TENM3: variants seen among roughly 807,000 people sequenced by gnomAD.
TENM3 encodes the protein teneurin transmembrane protein 3.
A neutral mutation model predicts 255.1 loss-of-function variants in TENM3; 63 were observed. The ratio of observed to expected loss-of-function variants is 0.25; its 90% CI spans 0.20 to 0.30. TENM3 has a LOEUF of 0.30. Ranked by LOEUF, TENM3 falls within the 10% of genes least tolerant of loss-of-function variation. The pLI is 1.00. For missense variants in TENM3, 2,929 were observed against 3,461.1 expected (o/e 0.85, Z 3.86); for synonymous variants, 1,306 against 1,322.3 (o/e 0.99, Z 0.27).
chr4:182,091,256 T>C, the TENM3 span, among the ~76,000 whole-genome samples: 1 of 152,168 alleles, frequency 6.6e-6, no homozygotes, highest in African/African-American at 2.4e-5. Flanking sequence ...AACTAGAGCT[T>C]GCAGAACAAG....
the TENM3 span, among the ~76,000 whole-genome samples, chr4:181,553,978 TTTAC>T: frequency 6.6e-6 from 1 of 152,162 alleles, no homozygotes; most frequent in Non-Finnish European, 1.5e-5. Context: ...CCTCCTCCCC[TTTAC>T]TTGCCTTCAG....
chr4:181,944,865 T>A, the TENM3 span, among the ~76,000 whole-genome samples: 8 of 151,950 alleles, frequency 5.3e-5, no homozygotes, highest in East Asian at 3.9e-4. Flanking sequence ...AACGCCAGCC[T>A]CCCTCCTTCC....
the TENM3 span, among the ~76,000 whole-genome samples, chr4:182,001,960 A>G: frequency 6.6e-6 from 1 of 152,152 alleles, no homozygotes; most frequent in East Asian, 1.9e-4. Flanking sequence ...TATGAAGTTT[A>G]TAATACTATA....
intron 1 of TENM3, among the ~76,000 whole-genome samples, chr4:182,274,184 G>A (rs1389360968): frequency 1.3e-5 from 2 of 152,224 alleles, no homozygotes; most frequent in African/African-American, 4.8e-5. Flanking sequence ...AGGGGAAGCT[G>A]GGCTAAGAAA....
intron 1 of TENM3, among the ~76,000 whole-genome samples, chr4:182,313,083 T>A (rs895390951): frequency 1.2e-4 from 19 of 152,188 alleles, no homozygotes; most frequent in African/African-American, 4.6e-4. Context: ...CTTTACTGAG[T>A]AAATTAACCT....
the TENM3 span, among the ~76,000 whole-genome samples, chr4:181,849,804 T>C: frequency 6.6e-6 from 1 of 152,146 alleles, no homozygotes; most frequent in East Asian, 1.9e-4. Context: ...TCTATAGTTC[T>C]GCCATGGATT....
chr4:182,741,929 A>G (rs1012709854), intron 18 of TENM3, among the ~76,000 whole-genome samples: 9 of 152,204 alleles, frequency 5.9e-5, no homozygotes, highest in African/African-American at 2.2e-4. Flanking sequence ...TGGGGGGAAA[A>G]AGCACTTTCT....
At chr4:181,878,492 A>G in the TENM3 span, among the ~76,000 whole-genome samples, 1 of 151,982 alleles carries the variant, frequency 6.6e-6, no homozygotes, top group Non-Finnish European at 1.5e-5. Context: ...CTACTCTGGG[A>G]TGCTGTTTTG....
chr4:182,042,277 C>T, the TENM3 span, among the ~76,000 whole-genome samples: 4 of 152,242 alleles, frequency 2.6e-5, no homozygotes, highest in South Asian at 8.3e-4. Flanking sequence ...CAAATGGTAA[C>T]CATGGTCTAG....
chr4:182,747,726 T>TAA (rs1762108136), intron 19 of TENM3, among the ~76,000 whole-genome samples: 2 of 152,212 alleles, frequency 1.3e-5, no homozygotes, highest in South Asian at 4.1e-4. Context: ...GTGTCAATCA[T>TAA]AAGTCTGTGA....
chr4:182,529,244 C>T lies in TENM3; in HGVS notation c.512-71680C>T, dbSNP rs1259287370. 2.0e-5 allele frequency among the ~76,000 whole-genome samples: 3 copies of T among 152,156 alleles called. No individual in the cohort carries two copies. In the East Asian group the frequency reaches 5.8e-4, roughly 29 times the overall value. On this transcript the variant is annotated intron_variant, in intron 3 of 27. Coordinates refer to ENST00000511685, the MANE Select transcript of TENM3 (RefSeq NM_001080477.4). ...GGGAGGGCGGAGAACATTAGGAACGCTGGTGTTCTAAAGAGGAACCCTAAG... is the reference window on the plus strand; with the variant it reads ...GGGAGGGCGGAGAACATTAGGAACGTTGGTGTTCTAAAGAGGAACCCTAAG...
At chr4:182,090,012 A>G in the TENM3 span, among the ~76,000 whole-genome samples, 1,299 of 152,342 alleles carry the variant, frequency 8.5e-3, 7 homozygotes, top group South Asian at 0.023. Context: ...AACAAAAAAT[A>G]AAATAATTAT....
chr4:182,218,160 A>T (rs922146461), intron 1 of TENM3, among the ~76,000 whole-genome samples: 1 of 152,172 alleles, frequency 6.6e-6, no homozygotes, highest in African/African-American at 2.4e-5. Flanking sequence ...TTGAGTCCTC[A>T]GTCAAAATAT....
the TENM3 span, among the ~76,000 whole-genome samples, chr4:181,606,641 G>C: frequency 3.9e-5 from 6 of 151,996 alleles, no homozygotes; most frequent in Admixed American, 1.3e-4. Context: ...CATTTCCTCT[G>C]CTCTTGTTGT....
chr4:182,748,851 G>A (rs1050557904), intron 19 of TENM3, among the ~76,000 whole-genome samples: 2 of 152,176 alleles, frequency 1.3e-5, no homozygotes, highest in African/African-American at 4.8e-5. Flanking sequence ...GTGTCCAAAA[G>A]TACAGCTTTC....
chr4:181,883,357 CA>C, the TENM3 span, among the ~76,000 whole-genome samples: 1 of 152,114 alleles, frequency 6.6e-6, no homozygotes, highest in Non-Finnish European at 1.5e-5. Flanking sequence ...CCATGCTCTA[CA>C]AACTTAATGA....
chr4:182,784,359 G>A (rs1765440539), intron 24 of TENM3, among the ~76,000 whole-genome samples: 1 of 151,986 alleles, frequency 6.6e-6, no homozygotes, highest in Non-Finnish European at 1.5e-5. Flanking sequence ...TCCCAGTTAG[G>A]CTGCTCAGGG....
At chr4:182,425,439 A>T (rs1241358377) in intron 3 of TENM3, among the ~76,000 whole-genome samples, 1 of 152,190 alleles carries the variant, frequency 6.6e-6, no homozygotes, top group Non-Finnish European at 1.5e-5. Flanking sequence ...TTAGTAATTT[A>T]TTTTCTGTCA....
intron 3 of TENM3, among the ~76,000 whole-genome samples, chr4:182,560,220 A>T (rs1381047628): frequency 2.0e-5 from 3 of 152,126 alleles, no homozygotes; most frequent in Admixed American, 2.0e-4. Flanking sequence ...AGTTTAATGC[A>T]AACACACACC....
Sources: gnomAD v4.1 joint callset for allele counts (sites outside exome capture counted in the v4.1 genomes callset) on GRCh38, gnomAD v4.1.1 for gene constraint, MANE v1.5 for transcripts, NCBI Gene and HGNC (gene_info 2026-07-23, HGNC 2026-07-21) for gene names.